Variants in XKR6 observed in about 807,000 individuals in gnomAD.
XKR6 encodes XK-related protein 6.
XKR6 carries 22 observed loss-of-function variants against 56.7 expected under a neutral mutation model. The observed-to-expected ratio is 0.39, with a 90% confidence interval of 0.28 to 0.55. The LOEUF (loss-of-function observed/expected upper bound fraction) is 0.55, where lower values mean the gene tolerates loss of function less well. Among genes scored for constraint, XKR6 ranks in the 20% least tolerant of loss-of-function variants. The probability of loss-of-function intolerance (pLI) is 0.66; values close to 1 mark genes in which losing one functional copy is unlikely to be tolerated. For synonymous variants in XKR6, 524 were observed against 387.8 expected, an observed-to-expected ratio of 1.35 and a Z score of -4.13; for missense variants, 852 against 889.0, an observed-to-expected ratio of 0.96 and a Z score of 0.53.
intron 1 of XKR6, among the ~76,000 whole-genome samples, chr8:10,972,674 C>G (rs1276014325): frequency 6.6e-6 from 1 of 152,162 alleles, no homozygotes; most frequent in East Asian, 1.9e-4. Flanking sequence ...CATTCACAGA[C>G]AAAGTAGAAC....
intron 1 of XKR6, among the ~76,000 whole-genome samples, chr8:10,951,871 T>C (rs1051537167): frequency 5.9e-5 from 9 of 152,010 alleles, no homozygotes; most frequent in African/African-American, 2.2e-4. Flanking sequence ...GGAGCTGTTA[T>C]GGGGATGCCA....
intron 1 of XKR6, among the ~76,000 whole-genome samples, chr8:11,104,082 G>A (rs1310815822): frequency 6.6e-6 from 1 of 152,218 alleles, no homozygotes; most frequent in African/African-American, 2.4e-5. Flanking sequence ...GCAGGTGTCT[G>A]CCTCACTAAT....
chr8:11,062,343 G>A (rs1472465338), intron 1 of XKR6, among the ~76,000 whole-genome samples: 1 of 152,110 alleles, frequency 6.6e-6, no homozygotes, highest in African/African-American at 2.4e-5. Flanking sequence ...TGATCTGTAA[G>A]CCGAATATTT....
At chr8:10,937,882 G>C (rs1801260962) in intron 1 of XKR6, among the ~76,000 whole-genome samples, 1 of 152,158 alleles carries the variant, frequency 6.6e-6, no homozygotes, top group African/African-American at 2.4e-5. Flanking sequence ...CCCAGAGGTG[G>C]AGCCTACAGA....
intron 1 of XKR6, among the ~76,000 whole-genome samples, chr8:11,026,519 T>C (rs1798868613): frequency 6.6e-6 from 1 of 151,086 alleles, no homozygotes; most frequent in Admixed American, 6.6e-5. Flanking sequence ...CACACTTAGA[T>C]GGTCTAGCCT....
intron 1 of XKR6, among the ~76,000 whole-genome samples, chr8:11,182,088 T>G (rs1308123875): frequency 1.3e-5 from 2 of 152,206 alleles, no homozygotes; most frequent in African/African-American, 4.8e-5. Context: ...TTGTTCCTCA[T>G]CTTTCTAACC....
intron 1 of XKR6, chr8:11,105,270 T>A (rs1798632665): frequency 6.6e-6 from 1 of 152,262 alleles, no homozygotes; most frequent in Non-Finnish European, 1.5e-5. Flanking sequence ...CAAACTTTTT[T>A]ATTTTACCAA....
At chr8:10,978,719 C>T (rs550287772) in intron 1 of XKR6, among the ~76,000 whole-genome samples, 1 of 152,328 alleles carries the variant, frequency 6.6e-6, no homozygotes, top group Admixed American at 6.5e-5. Flanking sequence ...ACAAAGACGC[C>T]CACCCTCTGC....
chr8:10,942,489 G>A (rs1801413137), intron 1 of XKR6, among the ~76,000 whole-genome samples: 1 of 152,186 alleles, frequency 6.6e-6, no homozygotes, highest in African/African-American at 2.4e-5. Flanking sequence ...AGGACTGCCT[G>A]CTCCCGGTCA....
At chr8:11,151,389 G>C (rs1213488801) in intron 1 of XKR6, among the ~76,000 whole-genome samples, 1 of 152,134 alleles carries the variant, frequency 6.6e-6, no homozygotes, top group Non-Finnish European at 1.5e-5. Context: ...GAAAAGTTTT[G>C]TAGGACTGCA....
At chr8:11,012,653 C>G (rs1051569591) in intron 1 of XKR6, among the ~76,000 whole-genome samples, 2 of 150,560 alleles carry the variant, frequency 1.3e-5, no homozygotes, top group Non-Finnish European at 3.0e-5. Flanking sequence ...GCCCCCTCCA[C>G]TGTCCTCTCC....
At chr8:11,062,323 C>A (rs1038994203) in intron 1 of XKR6, among the ~76,000 whole-genome samples, 2 of 152,150 alleles carry the variant, frequency 1.3e-5, no homozygotes, top group African/African-American at 4.8e-5. Flanking sequence ...AGGGGGCCAA[C>A]TGTGACATAT....
rs866158397 is a variant in XKR6 at position 10,912,706 on chromosome 8, T to C, written c.961+11928A>G. ...GTGAGTGTATATATATATATATATATACACACATAGAGAGAATGAGTGTAT... is the reference window on the plus strand; with the variant it reads ...GTGAGTGTATATATATATATATATACACACACATAGAGAGAATGAGTGTAT... On this transcript the variant is annotated intron_variant, in intron 2 of 2. Transcript: ENST00000416569. 9.3e-3 allele frequency among the ~76,000 whole-genome samples: 1,306 copies of C among 140,740 alleles called. 25 individuals are homozygous for C. Among genetic ancestry groups the C allele is most frequent in the African/African-American group, 0.033 (1,174 of 35,554 alleles). 92.3% of individuals were successfully genotyped at this position (140,740 alleles called of 152,430 possible).
At chr8:10,978,133 A>G (rs1425097420) in intron 1 of XKR6, among the ~76,000 whole-genome samples, 1 of 152,128 alleles carries the variant, frequency 6.6e-6, no homozygotes. Context: ...GTGACACTCA[A>G]TGAGGGCCTA....
chr8:11,015,125 G>A (rs1798588696), intron 1 of XKR6, among the ~76,000 whole-genome samples: 2 of 152,064 alleles, frequency 1.3e-5, no homozygotes, highest in Non-Finnish European at 2.9e-5. Context: ...GCGCTTGGGG[G>A]CGCCTCTGAT....
intron 1 of XKR6, among the ~76,000 whole-genome samples, chr8:11,110,994 G>A (rs1247199315): frequency 6.7e-6 from 1 of 148,372 alleles, no homozygotes; most frequent in African/African-American, 2.5e-5. Flanking sequence ...CTGCCACCAC[G>A]CCTGGCTTTT....
At chr8:11,127,208 T>C (rs1799851185) in intron 1 of XKR6, among the ~76,000 whole-genome samples, 1 of 152,224 alleles carries the variant, frequency 6.6e-6, no homozygotes, top group African/African-American at 2.4e-5. Flanking sequence ...CAGATTCAGC[T>C]GGCCTTGGAG....
chr8:11,085,776 C>T (rs1213988500), intron 1 of XKR6, among the ~76,000 whole-genome samples: 1 of 152,168 alleles, frequency 6.6e-6, no homozygotes, highest in Non-Finnish European at 1.5e-5. Flanking sequence ...CGGTCTGGTT[C>T]CACCAGTCTC....
intron 1 of XKR6, among the ~76,000 whole-genome samples, chr8:11,130,590 G>C (rs1406761767): frequency 6.6e-6 from 1 of 151,268 alleles, no homozygotes; most frequent in Non-Finnish European, 1.5e-5. Flanking sequence ...CTATGGCTAA[G>C]ACGGCCTTTT....
Sources: allele counts gnomAD v4.1 joint callset (sites outside exome capture counted in the v4.1 genomes callset), GRCh38; gene constraint gnomAD v4.1.1; transcripts MANE v1.5; gene names NCBI Gene and HGNC (gene_info 2026-07-23, HGNC 2026-07-21).